The following ACTR5 variants were observed in gnomAD, a reference collection of about 807,000 sequenced individuals.
ACTR5 encodes actin related protein 5.
A neutral mutation model predicts 61.2 loss-of-function variants in ACTR5; 43 were observed. The observed-to-expected ratio is 0.70, with a 90% CI of 0.55 to 0.91. ACTR5 has a LOEUF of 0.91. Among genes scored for constraint, ACTR5 ranks in the 40% least tolerant of loss-of-function variants. The probability of loss-of-function intolerance (pLI) is 0.00; values close to 1 mark genes in which losing one functional copy is unlikely to be tolerated. For synonymous variants in ACTR5, 333 were observed against 310.5 expected, an observed-to-expected ratio of 1.07 and a Z score of -0.76; for missense variants, 798 against 782.2, an observed-to-expected ratio of 1.02 and a Z score of -0.24.
In ACTR5 at chr20:38,771,682, T is replaced by C; in HGVS notation, c.1690T>C (p.Tyr564His). The change falls in exon 9 of 9, where the codon TAC becomes CAC. Residue 564 changes from tyrosine to histidine, a missense_variant. Tyr to His is a moderately conservative substitution (Grantham distance 83, BLOSUM62 2). Transcript: ENST00000243903. ...RKEYEEKGGE[Y>H]LKEHCASNIY... ...AGAGTATGAAGAAAAGGGAGGAGAGTACCTCAAGGAGCACTGTGCTTCCAA... is the reference window on the plus strand; with the variant it reads ...AGAGTATGAAGAAAAGGGAGGAGAGCACCTCAAGGAGCACTGTGCTTCCAA... The C allele has an allele frequency of 6.2e-7, 1 of 1,613,658 alleles. No homozygotes were observed. Among genetic ancestry groups the C allele is most frequent in the Non-Finnish European group, 8.5e-7 (1 of 1,179,904 alleles).
chr20:38,764,714 A>G (rs1035052123), intron 5 of ACTR5, among the ~76,000 whole-genome samples: 17 of 152,204 alleles, frequency 1.1e-4, no homozygotes, highest in Admixed American at 6.5e-5. Flanking sequence ...TCTTTCACCC[A>G]GGCTGGATTA....
At chr20:38,750,901 G>A (rs2084383598) in intron 2 of ACTR5, among the ~76,000 whole-genome samples, 1 of 152,156 alleles carries the variant, frequency 6.6e-6, no homozygotes, top group Admixed American at 6.5e-5. Flanking sequence ...AACATGCTGG[G>A]ATTACAGGGG....
In ACTR5 at chr20:38,772,112, A is replaced by G. The variant is rs2145680796; in HGVS notation, c.*296A>G. 1 of 397,444 alleles carries G rather than the reference A, an allele frequency of 2.5e-6. No homozygotes were observed. The highest frequency in any genetic ancestry group is 2.0e-5 in the African/African-American group (1 of 50,602). 24.6% of individuals were successfully genotyped at this position (397,444 alleles called of 1,614,324 possible). A position where few individuals can be genotyped will look rare whatever the true frequency, so the allele number is the denominator to read the frequency against. ...AGTAAATGAAGACAGAGTGGAGGACACAAATGTACAAAATGCACAAGACTG... is the reference window on the plus strand; with the variant it reads ...AGTAAATGAAGACAGAGTGGAGGACGCAAATGTACAAAATGCACAAGACTG... On this transcript the variant is annotated 3_prime_UTR_variant, in exon 9 of 9. Coordinates refer to ENST00000243903, the MANE Select transcript of ACTR5 (RefSeq NM_024855.4).
intron 8 of ACTR5, among the ~76,000 whole-genome samples, chr20:38,770,576 A>T (rs6124025): frequency 0.025 from 3,752 of 152,268 alleles, 86 homozygotes; most frequent in Admixed American, 0.072. Context: ...ATGGCTGTAT[A>T]GTCTATTAAC....
intron 5 of ACTR5, among the ~76,000 whole-genome samples, chr20:38,757,013 C>T (rs1214520320): frequency 6.6e-6 from 1 of 152,246 alleles, no homozygotes; most frequent in Non-Finnish European, 1.5e-5. Context: ...TAACCTCAGA[C>T]TCCTGGGCTT....
chr20:38,750,564 T>TA (rs1279118691), intron 2 of ACTR5, among the ~76,000 whole-genome samples: 4 of 152,174 alleles, frequency 2.6e-5, no homozygotes, highest in African/African-American at 9.7e-5. Flanking sequence ...ATGTTTTGAA[T>TA]AAATTTAATC....
In ACTR5 at chr20:38,771,636, T is replaced by C; in HGVS notation, c.1644T>C (p.Asn548=). 1 of 1,614,028 alleles carries C rather than the reference T, an allele frequency of 6.2e-7. No individual in the cohort carries two copies. The highest frequency in any genetic ancestry group is 8.5e-7 in the Non-Finnish European group (1 of 1,180,004). The change falls in exon 9 of 9, where the codon AAT becomes AAC. Residue 548 remains asparagine, a synonymous_variant. Transcript: ENST00000243903. ...RDWALNHLDD[N]EVWITRKEYE... is the part of the protein sequence containing the mutation. ...GGGCCTTGAACCACCTAGATGATAA[T>C]GAAGTTTGGATCACCAGGAAAGAGT...
rs777246043 is a variant in ACTR5, at chr20:38,771,644, G to A, written c.1652G>A (p.Trp551Ter). The change falls in exon 9 of 9, where the codon TGG (tryptophan) becomes TAG (stop). Residue 551 changes from tryptophan to a stop codon, truncating the protein, a stop_gained. Transcript: ENST00000243903. LOFTEE classifies it high-confidence loss of function. ...AACCACCTAGATGATAATGAAGTTTGGATCACCAGGAAAGAGTATGAAGAA... is the reference window on the plus strand; with the variant it reads ...AACCACCTAGATGATAATGAAGTTTAGATCACCAGGAAAGAGTATGAAGAA... ...ALNHLDDNEVWITRKEYEEKG... is the reference protein window; with the variant it reads ...ALNHLDDNEV 1 of 1,614,150 alleles carries A rather than the reference G, an allele frequency of 6.2e-7. No homozygotes were observed. The highest frequency in any genetic ancestry group is 1.1e-5 in the South Asian group (1 of 91,070).
At chr20:38,755,218 A>G (rs779456397) in intron 4 of ACTR5, 44 bp downstream of exon 4, 1 of 1,498,148 alleles carries the variant, frequency 6.7e-7, no homozygotes, top group African/African-American at 1.4e-5. Context: ...TGTTAACAAG[A>G]TAGTCTCAGA....
At chr20:38,768,130 G>C (rs6071390) in intron 8 of ACTR5, among the ~76,000 whole-genome samples, 3 of 152,150 alleles carry the variant, frequency 2.0e-5, no homozygotes, top group Non-Finnish European at 4.4e-5. Context: ...TGTACATTCA[G>C]GGGGGCGTCT....
intron 7 of ACTR5, among the ~76,000 whole-genome samples, chr20:38,766,662 A>AT (rs1200952943): frequency 2.0e-5 from 3 of 152,218 alleles, no homozygotes; most frequent in African/African-American, 4.8e-5. Flanking sequence ...ACTGGTTTCC[A>AT]TGTAAACCTT....
intron 8 of ACTR5, among the ~76,000 whole-genome samples, chr20:38,768,060 G>T (rs1242819488): frequency 7.2e-5 from 11 of 152,202 alleles, no homozygotes; most frequent in Admixed American, 7.2e-4. Flanking sequence ...ACACTGCAGA[G>T]CCTGTGCATC....
intron 4 of ACTR5, among the ~76,000 whole-genome samples, chr20:38,755,498 A>G (rs1045396024): frequency 1.3e-5 from 2 of 152,092 alleles, no homozygotes; most frequent in African/African-American, 4.8e-5. Context: ...TCACCCGTGT[A>G]TCTGCTGTCA....
chr20:38,770,447 A>G (rs573970350), intron 8 of ACTR5, among the ~76,000 whole-genome samples: 10 of 152,340 alleles, frequency 6.6e-5, no homozygotes, highest in African/African-American at 2.4e-4. Context: ...CATCTCATGT[A>G]TGGTTTTAAC....
intron 5 of ACTR5, among the ~76,000 whole-genome samples, chr20:38,762,066 G>C (rs1417678235): frequency 6.6e-6 from 1 of 152,234 alleles, no homozygotes; most frequent in Non-Finnish European, 1.5e-5. Context: ...CATGGGTTTG[G>C]TGGGTGAGGA....
At chr20:38,752,423 CCTTT>C in intron 3 of ACTR5, 123 bp downstream of exon 3, 2 of 1,122,606 alleles carry the variant, frequency 1.8e-6, no homozygotes, top group East Asian at 5.3e-5. Context: ...TTTTGTATTC[CCTTT>C]CTTAAACTAT....
At chr20:38,765,734 G>A (rs769273033) in intron 6 of ACTR5, among the ~76,000 whole-genome samples, 3 of 152,114 alleles carry the variant, frequency 2.0e-5, no homozygotes, top group South Asian at 2.1e-4. Flanking sequence ...CAGTCCACCC[G>A]GCAGAAACAT....
chr20:38,771,064 G>A (rs2084516762), intron 8 of ACTR5, among the ~76,000 whole-genome samples: 1 of 152,228 alleles, frequency 6.6e-6, no homozygotes, highest in African/African-American at 2.4e-5. Flanking sequence ...GAGAAGCAGG[G>A]GAAACTAAGT....
intron 5 of ACTR5, among the ~76,000 whole-genome samples, chr20:38,758,918 C>T (rs996708648): frequency 1.3e-5 from 2 of 152,178 alleles, no homozygotes; most frequent in African/African-American, 4.8e-5. Flanking sequence ...TGAATTAATA[C>T]AGCTGGAATT....
Sources: allele counts gnomAD v4.1 joint callset (sites outside exome capture counted in the v4.1 genomes callset), GRCh38; gene constraint gnomAD v4.1.1; transcripts MANE v1.5; gene names NCBI Gene and HGNC (gene_info 2026-07-23, HGNC 2026-07-21).